HPSE2: variants seen among roughly 807,000 people sequenced by gnomAD.
The protein encoded by HPSE2 is heparanase 2 (inactive), also known as inactive heparanase-2.
HPSE2 carries 38 observed loss-of-function variants against 60.5 expected under a neutral mutation model. The observed-to-expected ratio is 0.63, with a 90% CI of 0.48 to 0.82. The LOEUF is 0.82. Ranked by LOEUF, HPSE2 falls within the 40% of genes least tolerant of loss-of-function variation. The pLI is 0.00. For synonymous variants in HPSE2, 295 were observed against 293.2 expected (o/e 1.01, Z -0.06); for missense variants, 713 against 740.4 (o/e 0.96, Z 0.43).
intron 3 of HPSE2, among the ~76,000 whole-genome samples, chr10:98,807,383 T>C (rs1183232207): frequency 6.6e-6 from 1 of 152,238 alleles, no homozygotes; most frequent in Non-Finnish European, 1.5e-5. Flanking sequence ...ATCTTACTCT[T>C]TAAATCAGAC....
chr10:98,828,140 A>G (rs1951595472), intron 3 of HPSE2, among the ~76,000 whole-genome samples: 2 of 150,954 alleles, frequency 1.3e-5, no homozygotes, highest in African/African-American at 5.0e-5. Context: ...CAATTCCTTA[A>G]AATAAATCTC....
At chr10:98,765,567 T>C (rs894017231) in intron 3 of HPSE2, among the ~76,000 whole-genome samples, 7 of 152,224 alleles carry the variant, frequency 4.6e-5, no homozygotes, top group African/African-American at 1.7e-4. Flanking sequence ...AGGCCAGGCA[T>C]GGTGGCTCAC....
At chr10:99,177,590 C>T (rs987652366) in intron 2 of HPSE2, among the ~76,000 whole-genome samples, 15 of 152,090 alleles carry the variant, frequency 9.9e-5, no homozygotes, top group Admixed American at 7.9e-4. Flanking sequence ...AATGTATATG[C>T]ACCCAATACA....
intron 3 of HPSE2, among the ~76,000 whole-genome samples, chr10:99,076,054 T>C (rs562009099): frequency 4.2e-4 from 64 of 152,262 alleles, no homozygotes; most frequent in African/African-American, 1.5e-3. Context: ...ATTTTTTTCA[T>C]AGGTTTTTCT....
At chr10:98,992,803 T>A (rs1956555242) in intron 3 of HPSE2, among the ~76,000 whole-genome samples, 1 of 152,202 alleles carries the variant, frequency 6.6e-6, no homozygotes, top group African/African-American at 2.4e-5. Flanking sequence ...AACACCTTCA[T>A]ACTGTACTGG....
chr10:99,136,404 T>A (rs1845655232), intron 3 of HPSE2, among the ~76,000 whole-genome samples: 1 of 152,064 alleles, frequency 6.6e-6, no homozygotes, highest in Non-Finnish European at 1.5e-5. Flanking sequence ...CCCAGCATCA[T>A]CCTGATACCA....
intron 9 of HPSE2, among the ~76,000 whole-genome samples, chr10:98,529,434 C>G (rs1004162295): frequency 6.6e-6 from 1 of 152,050 alleles, no homozygotes; most frequent in Non-Finnish European, 1.5e-5. Flanking sequence ...CAAAGACATA[C>G]CTAGCCATCC....
At position 99,235,654 on chromosome 10, in the gene HPSE2, T is replaced by G; in HGVS notation, c.149A>C (p.Asp50Ala). 6.2e-7 allele frequency: 1 copy of G among 1,613,954 alleles called. No individual in the cohort carries two copies. The highest frequency in any genetic ancestry group is 8.5e-7 in the Non-Finnish European group (1 of 1,179,992). Residue 50 changes from aspartate to alanine, a missense_variant, in exon 1 of 12, where the codon GAC becomes GCC. Physicochemically the swap from Asp to Ala is moderately radical, Grantham distance 126. Transcript: ENST00000370552. ...CTTTTCCTTCAAACCTGCAGCTCTG[T>G]CTACAGGCAAGGGTCTCCTGTCTCC... ...QAGDRRPLPV[D>A]RAAGLKEKTL...
At chr10:99,288,705 T>G in the HPSE2 span, among the ~76,000 whole-genome samples, 1 of 132,048 alleles carries the variant, frequency 7.6e-6, no homozygotes, top group Non-Finnish European at 1.6e-5. Flanking sequence ...TCAATCCAGA[T>G]TGGAAAAAGA....
intron 3 of HPSE2, among the ~76,000 whole-genome samples, chr10:98,873,309 A>G (rs1443602390): frequency 6.6e-6 from 1 of 151,970 alleles, no homozygotes; most frequent in Non-Finnish European, 1.5e-5. Context: ...TACACGTGCC[A>G]TGGTGGTTTG....
At chr10:98,881,537 T>C (rs1953023270) in intron 3 of HPSE2, among the ~76,000 whole-genome samples, 1 of 152,020 alleles carries the variant, frequency 6.6e-6, no homozygotes, top group Non-Finnish European at 1.5e-5. Flanking sequence ...AAAGATAAAC[T>C]AGGATTTTAG....
the HPSE2 span, among the ~76,000 whole-genome samples, chr10:99,305,614 G>C: frequency 6.6e-6 from 1 of 152,094 alleles, no homozygotes; most frequent in African/African-American, 2.4e-5. Context: ...TTGAGAGTTG[G>C]GGTGTTATTA....
chr10:99,287,801 C>T, the HPSE2 span, among the ~76,000 whole-genome samples: 1 of 152,212 alleles, frequency 6.6e-6, no homozygotes, highest in South Asian at 2.1e-4. Context: ...CATTACTTTG[C>T]CAAAGTTGCT....
At chr10:98,965,049 G>A (rs1406552999) in intron 3 of HPSE2, among the ~76,000 whole-genome samples, 1 of 152,036 alleles carries the variant, frequency 6.6e-6, no homozygotes, top group Non-Finnish European at 1.5e-5. Flanking sequence ...AGAGACTACT[G>A]CAATACCTTC....
chr10:99,269,599 A>C, the HPSE2 span, among the ~76,000 whole-genome samples: 1 of 152,232 alleles, frequency 6.6e-6, no homozygotes, highest in African/African-American at 2.4e-5. Context: ...ACCCTCGAGC[A>C]AATGAACTTA....
At chr10:98,906,293 C>A (rs1329213148) in intron 3 of HPSE2, among the ~76,000 whole-genome samples, 1 of 152,134 alleles carries the variant, frequency 6.6e-6, no homozygotes, top group East Asian at 1.9e-4. Flanking sequence ...TCTTGGAAAC[C>A]CAACCAGCAA....
intron 3 of HPSE2, among the ~76,000 whole-genome samples, chr10:98,744,983 T>G (rs546814150): frequency 6.6e-6 from 1 of 152,146 alleles, no homozygotes; most frequent in Non-Finnish European, 1.5e-5. Flanking sequence ...CGGGTGGATC[T>G]CGAGGTCAGG....
At chr10:98,615,798 T>C (rs2133976831) in intron 8 of HPSE2, among the ~76,000 whole-genome samples, 1 of 152,342 alleles carries the variant, frequency 6.6e-6, no homozygotes, top group African/African-American at 2.4e-5. Flanking sequence ...TTCCTAATTC[T>C]GAAACTTAGG....
At chr10:98,622,060 AT>A (rs1302244890) in intron 7 of HPSE2, among the ~76,000 whole-genome samples, 1 of 152,260 alleles carries the variant, frequency 6.6e-6, no homozygotes, top group Admixed American at 6.5e-5. Flanking sequence ...AAGAATGAGA[AT>A]TCTTTCTATG....
Sources: gnomAD v4.1 joint callset for allele counts (sites outside exome capture counted in the v4.1 genomes callset) on GRCh38, gnomAD v4.1.1 for gene constraint, MANE v1.5 for transcripts, NCBI Gene and HGNC (gene_info 2026-07-23, HGNC 2026-07-21) for gene names.